Variants in PTPN14 observed in about 807,000 individuals in gnomAD.
PTPN14 encodes tyrosine-protein phosphatase non-receptor type 14.
PTPN14 carries 53 observed loss-of-function variants against 126.8 expected under a neutral mutation model. The observed-to-expected ratio is 0.42, with a 90% CI of 0.34 to 0.53. The LOEUF (loss-of-function observed/expected upper bound fraction) is 0.53. PTPN14 is among the 20% of genes least tolerant of loss of function. PTPN14 has a pLI of 0.08. For synonymous variants in PTPN14, 630 were observed against 599.3 expected (o/e 1.05, Z -0.75); for missense variants, 1,257 against 1,552.9 (o/e 0.81, Z 3.20).
chr1:214,506,423 G>A (rs1032578563), intron 1 of PTPN14, among the ~76,000 whole-genome samples: 12 of 151,824 alleles, frequency 7.9e-5, no homozygotes, highest in African/African-American at 1.2e-4. Context: ...AGGCTGAGAC[G>A]GAAGGACCAC....
rs578205837 is a variant in PTPN14, at chr1:214,387,997, C to G, written c.988-1075G>C. 4.6e-5 allele frequency among the ~76,000 whole-genome samples: 7 copies of G among 152,266 alleles called. No homozygotes were observed. In the South Asian group the frequency reaches 1.5e-3, roughly 32 times the overall value. On this transcript the variant is annotated intron_variant, in intron 11 of 18. Transcript: ENST00000366956. ...CAAGTGTGCAAAGGGCCCTGTCTAC[C>G]CACCACCGCAGTGCAGAATCTTCCA...
chr1:214,541,288 A>G (rs951756534), intron 1 of PTPN14, among the ~76,000 whole-genome samples: 2 of 152,234 alleles, frequency 1.3e-5, no homozygotes, highest in African/African-American at 4.8e-5. Flanking sequence ...CAATAACAGC[A>G]TAAGTCAAAG....
intron 1 of PTPN14, chr1:214,530,778 G>A (rs931414388): frequency 4.8e-5 from 7 of 145,596 alleles, no homozygotes; most frequent in African/African-American, 1.9e-4. Flanking sequence ...CGACGAGTAC[G>A]ATAACCTTTT....
At chr1:214,399,056 C>T (rs559724894) in intron 7 of PTPN14, among the ~76,000 whole-genome samples, 7 of 152,098 alleles carry the variant, frequency 4.6e-5, no homozygotes, top group East Asian at 3.9e-4. Flanking sequence ...CGTGAGCCAC[C>T]GTGCCCGGCC....
chr1:214,503,329 C>T (rs1168837142), intron 1 of PTPN14, among the ~76,000 whole-genome samples: 1 of 152,124 alleles, frequency 6.6e-6, no homozygotes. Flanking sequence ...GTAGGAAAGA[C>T]GTTGACTTCT....
chr1:214,472,649 T>A (rs1001976199), intron 1 of PTPN14, among the ~76,000 whole-genome samples: 1 of 152,182 alleles, frequency 6.6e-6, no homozygotes, highest in Non-Finnish European at 1.5e-5. Flanking sequence ...GAACCTTAGA[T>A]GGGTCTGAAT....
chr1:214,460,449 G>A (rs1660484003), intron 2 of PTPN14, among the ~76,000 whole-genome samples: 2 of 144,694 alleles, frequency 1.4e-5, no homozygotes, highest in South Asian at 4.4e-4. Context: ...ACTGAACTCT[G>A]CCTTTCCCTG....
At chr1:214,539,265 T>C (rs1655782017) in intron 1 of PTPN14, among the ~76,000 whole-genome samples, 1 of 152,208 alleles carries the variant, frequency 6.6e-6, no homozygotes, top group Admixed American at 6.5e-5. Flanking sequence ...AGGTGTTCCA[T>C]AACATAGATT....
At chr1:214,365,926 A>G (rs534568768) in intron 17 of PTPN14, among the ~76,000 whole-genome samples, 1 of 152,308 alleles carries the variant, frequency 6.6e-6, no homozygotes, top group East Asian at 1.9e-4. Flanking sequence ...GCACTTTAGG[A>G]GGCTGAGGTG....
At chr1:214,446,520 G>A (rs1660145499) in intron 3 of PTPN14, among the ~76,000 whole-genome samples, 2 of 151,982 alleles carry the variant, frequency 1.3e-5, no homozygotes, top group Admixed American at 1.3e-4. Context: ...AAACCAATTT[G>A]GACTTGATAA....
intron 3 of PTPN14, among the ~76,000 whole-genome samples, chr1:214,419,026 T>C (rs1659485075): frequency 6.6e-6 from 1 of 152,232 alleles, no homozygotes; most frequent in South Asian, 2.1e-4. Flanking sequence ...TGCAGATTTT[T>C]AAAAAGTAAA....
intron 1 of PTPN14, among the ~76,000 whole-genome samples, chr1:214,538,301 C>T (rs923235354): frequency 1.3e-5 from 2 of 152,202 alleles, no homozygotes; most frequent in East Asian, 1.9e-4. Context: ...TCAGAGAGAA[C>T]GGGTTCACAT....
intron 1 of PTPN14, chr1:214,532,793 C>T (rs188446727): frequency 9.4e-6 from 8 of 855,014 alleles, no homozygotes; most frequent in African/African-American, 1.6e-5. Context: ...GAGATCGAGG[C>T]TCTCAAGGAG....
At position 214,464,657 on chromosome 1, in the gene PTPN14, A is replaced by C; in HGVS notation, c.147T>G (p.Ala49=). 1 of 1,614,246 alleles carries C rather than the reference A, an allele frequency of 6.2e-7. No individual in the cohort carries two copies. The highest frequency in any genetic ancestry group is 1.1e-5 in the South Asian group (1 of 91,090). Residue 49 remains alanine, a synonymous_variant, in exon 2 of 19, where the codon GCT becomes GCG. Transcript: ENST00000366956. ...VESTGQECLE[A]VAQRLELRET... is the part of the protein sequence containing the mutation. ...CTCGCAGCTCCAGCCTCTGGGCCAC[A>C]GCCTCCAGGCATTCTTGCCCTGTGC...
At chr1:214,359,774 G>T (rs1657912525) in intron 18 of PTPN14, among the ~76,000 whole-genome samples, 1 of 152,102 alleles carries the variant, frequency 6.6e-6, no homozygotes, top group Admixed American at 6.5e-5. Context: ...TCCAGCCTTG[G>T]CCTCTAAAAG....
chr1:214,466,671 G>T (rs1201265359), intron 1 of PTPN14, among the ~76,000 whole-genome samples: 1 of 152,008 alleles, frequency 6.6e-6, no homozygotes, highest in Admixed American at 6.6e-5. Context: ...TCTCCATTAA[G>T]CCCAACAGAC....
intron 1 of PTPN14, among the ~76,000 whole-genome samples, chr1:214,471,726 C>T (rs1384188334): frequency 1.3e-5 from 2 of 152,208 alleles, no homozygotes; most frequent in East Asian, 3.9e-4. Flanking sequence ...CATGCATTCT[C>T]TTAGTCCAAC....
intron 1 of PTPN14, chr1:214,531,269 T>A (rs150204895): frequency 3.9e-5 from 6 of 152,280 alleles, no homozygotes; most frequent in Middle Eastern, 3.4e-3. Flanking sequence ...CACACTGATG[T>A]CTGCTTCACA....
At chr1:214,475,818 TC>T (rs1476982299) in intron 1 of PTPN14, among the ~76,000 whole-genome samples, 1 of 151,596 alleles carries the variant, frequency 6.6e-6, no homozygotes, top group East Asian at 1.9e-4. Flanking sequence ...GGAAATAACT[TC>T]CCCCCACGAT....
Sources: allele counts gnomAD v4.1 joint callset (sites outside exome capture counted in the v4.1 genomes callset), GRCh38; gene constraint gnomAD v4.1.1; transcripts MANE v1.5; gene names NCBI Gene and HGNC (gene_info 2026-07-23, HGNC 2026-07-21).